MED27: variants seen among roughly 807,000 people sequenced by gnomAD.
MED27 encodes the protein mediator complex subunit 27, also known as mediator of RNA polymerase II transcription subunit 27.
Under a neutral mutation model 38.2 loss-of-function variants are expected in MED27, and 30 were observed. The observed-to-expected ratio is 0.79, with a 90% confidence interval of 0.59 to 1.07. MED27 has a LOEUF of 1.07. MED27 is among the 50% of genes least tolerant of loss of function. The pLI is 0.00. For synonymous variants in MED27, 122 were observed against 153.5 expected (o/e 0.79, Z 1.52); for missense variants, 289 against 397.5 (o/e 0.73, Z 2.32).
chr9:132,024,119 C>A (rs1410916686), intron 2 of MED27, among the ~76,000 whole-genome samples: 1 of 152,178 alleles, frequency 6.6e-6, no homozygotes, highest in African/African-American at 2.4e-5. Context: ...GTTCAAACCC[C>A]AGCTCAACAT....
At chr9:131,885,065 C>T (rs1030615709) in intron 5 of MED27, among the ~76,000 whole-genome samples, 1 of 152,196 alleles carries the variant, frequency 6.6e-6, no homozygotes, top group Non-Finnish European at 1.5e-5. Flanking sequence ...TCTCCAGGTC[C>T]AGAAATGGGG....
In MED27 at chr9:131,863,407, G is replaced by T. The variant is rs1390628583; in HGVS notation, c.724-267C>A. 2.6e-5 allele frequency among the ~76,000 whole-genome samples: 4 copies of T among 152,232 alleles called. No homozygotes were observed. In the East Asian group the frequency reaches 7.7e-4, roughly 29 times the overall value. ...CAGCAACGGAAAGCCTGGCCAGGCT[G>T]GAGCACTGGCAGAGGGAGCGGCCAG... is the stretch of plus-strand genomic sequence containing the variant. On this transcript the variant is annotated intron_variant, in intron 6 of 7. Coordinates refer to ENST00000292035, the MANE Select transcript of MED27 (RefSeq NM_004269.4).
intron 2 of MED27, among the ~76,000 whole-genome samples, chr9:132,040,460 G>A (rs1429812032): frequency 6.6e-6 from 1 of 152,338 alleles, no homozygotes; most frequent in South Asian, 2.1e-4. Flanking sequence ...TCCACATGCA[G>A]AGAAGGCATC....
intron 1 of MED27, among the ~76,000 whole-genome samples, chr9:132,079,368 A>G (rs969573859): frequency 5.9e-5 from 9 of 152,306 alleles, no homozygotes; most frequent in Admixed American, 2.0e-4. Flanking sequence ...TCATGGGAAA[A>G]GCATGCCTCC....
chr9:131,963,425 C>T (rs1350910315), intron 3 of MED27, among the ~76,000 whole-genome samples: 1 of 151,608 alleles, frequency 6.6e-6, no homozygotes, highest in Non-Finnish European at 1.5e-5. Context: ...TTTTTAAAGC[C>T]CCCAGAAGCA....
chr9:131,993,961 G>A (rs925434444), intron 3 of MED27, among the ~76,000 whole-genome samples: 35 of 152,154 alleles, frequency 2.3e-4, no homozygotes, highest in Admixed American at 2.1e-3. Flanking sequence ...GTTGGTTTCT[G>A]CCTGGCACCC....
chr9:132,032,512 T>C (rs1298429409), intron 2 of MED27, among the ~76,000 whole-genome samples: 5 of 152,208 alleles, frequency 3.3e-5, no homozygotes, highest in Non-Finnish European at 5.9e-5. Context: ...CAAAGAACTG[T>C]CTCTTTTCTC....
intron 5 of MED27, among the ~76,000 whole-genome samples, chr9:131,890,013 C>A (rs1353764329): frequency 1.3e-5 from 2 of 152,200 alleles, no homozygotes; most frequent in Non-Finnish European, 2.9e-5. Context: ...TCCTTCCAGA[C>A]GCCACATTTC....
intron 4 of MED27, among the ~76,000 whole-genome samples, chr9:131,918,075 A>T (rs1830325136): frequency 6.6e-6 from 1 of 152,234 alleles, no homozygotes; most frequent in African/African-American, 2.4e-5. Context: ...CTTCTCCAAC[A>T]TTTAAATTCA....
intron 4 of MED27, among the ~76,000 whole-genome samples, chr9:131,910,160 A>C (rs887070077): frequency 3.9e-5 from 6 of 152,216 alleles, no homozygotes; most frequent in African/African-American, 1.4e-4. Flanking sequence ...CCAGGGCTCT[A>C]GGCACTTCCT....
rs146476596 is a variant in MED27 at position 131,947,283 on chromosome 9, C to T, written c.480-7809G>A. Among the ~76,000 whole-genome samples the T allele has an allele frequency of 1.8e-4, 27 of 152,250 alleles. 1 individual carries two copies. In the East Asian group the frequency reaches 3.5e-3, roughly 20 times the overall value. On this transcript the variant is annotated intron_variant, in intron 3 of 7. Coordinates refer to ENST00000292035, the MANE Select transcript of MED27 (RefSeq NM_004269.4). ...CCAGAGAACTCCACAAAACAAACCT[C>T]GAAGAAAGCTGCAGAGCTCCTTTAT... is the stretch of plus-strand genomic sequence containing the variant.
intron 3 of MED27, among the ~76,000 whole-genome samples, chr9:131,963,074 C>T (rs1184503435): frequency 2.0e-5 from 3 of 152,146 alleles, no homozygotes; most frequent in Non-Finnish European, 4.4e-5. Flanking sequence ...ACCTGTGCTG[C>T]AATGGCCAGT....
At chr9:132,048,729 C>T (rs890321648) in intron 2 of MED27, among the ~76,000 whole-genome samples, 1 of 152,176 alleles carries the variant, frequency 6.6e-6, no homozygotes, top group Non-Finnish European at 1.5e-5. Flanking sequence ...GGCCACGGCC[C>T]GTCCTTCATC....
At chr9:131,868,715 T>C in intron 6 of MED27, 10 of 985,414 alleles carry the variant, frequency 1.0e-5, no homozygotes, top group Non-Finnish European at 1.2e-5. Flanking sequence ...ACCCACTGAC[T>C]CCCATCCCCG....
At chr9:131,880,976 A>G (rs1407264358) in intron 6 of MED27, among the ~76,000 whole-genome samples, 1 of 152,002 alleles carries the variant, frequency 6.6e-6, no homozygotes, top group Non-Finnish European at 1.5e-5. Flanking sequence ...TGGAATGGAA[A>G]TGGACCATTG....
intron 3 of MED27, among the ~76,000 whole-genome samples, chr9:131,994,203 T>C (rs1431385964): frequency 1.3e-5 from 2 of 152,222 alleles, no homozygotes; most frequent in Non-Finnish European, 2.9e-5. Flanking sequence ...TTGTTATACA[T>C]TGTTTTGCTT....
At chr9:132,037,443 G>T (rs934232850) in intron 2 of MED27, among the ~76,000 whole-genome samples, 1 of 152,006 alleles carries the variant, frequency 6.6e-6, no homozygotes, top group African/African-American at 2.4e-5. Flanking sequence ...TGCCCAACGC[G>T]CCTACACAAC....
intron 2 of MED27, among the ~76,000 whole-genome samples, chr9:132,017,504 T>C (rs28424042): frequency 0.02 from 3,072 of 152,330 alleles, 100 homozygotes; most frequent in African/African-American, 0.07. Context: ...GTGATTTTTC[T>C]ATCAAAGATC....
intron 6 of MED27, among the ~76,000 whole-genome samples, chr9:131,876,709 C>A (rs953731748): frequency 2.6e-5 from 4 of 152,116 alleles, no homozygotes; most frequent in Admixed American, 2.0e-4. Flanking sequence ...CTCAGGGATG[C>A]CCTGGGACCG....
Sources: gnomAD v4.1 joint callset for allele counts (sites outside exome capture counted in the v4.1 genomes callset) on GRCh38, gnomAD v4.1.1 for gene constraint, MANE v1.5 for transcripts, NCBI Gene and HGNC (gene_info 2026-07-23, HGNC 2026-07-21) for gene names.